RFX2: variants seen among roughly 807,000 people sequenced by gnomAD.
RFX2 encodes DNA-binding protein RFX2.
In RFX2, 20 loss-of-function variants were observed where a neutral mutation model predicts 87.8. That is an observed-to-expected ratio of 0.23 (90% CI 0.16 to 0.33). The LOEUF (loss-of-function observed/expected upper bound fraction) is 0.33, where lower values mean the gene tolerates loss of function less well. Among genes scored for constraint, RFX2 ranks in the 10% least tolerant of loss-of-function variants. The pLI is 1.00. For missense variants in RFX2, 767 were observed against 1,012.3 expected, an observed-to-expected ratio of 0.76 and a Z score of 3.29; for synonymous variants, 397 against 431.3, an observed-to-expected ratio of 0.92 and a Z score of 0.98.
rs1343367811 is a variant in RFX2, at chr19:6,056,100, A to G, written c.-8-8596T>C. Among the ~76,000 whole-genome samples, 3 of 152,326 alleles carry G rather than the reference A, an allele frequency of 2.0e-5. No homozygotes were observed. Among genetic ancestry groups the G allele is most frequent in the Non-Finnish European group, 2.9e-5 (2 of 68,040 alleles). On this transcript the variant is annotated intron_variant, in intron 1 of 17. Coordinates refer to ENST00000303657, the MANE Select transcript of RFX2 (RefSeq NM_000635.4). This position sits in a 1 kb window ranked among gnomAD's most constrained non-coding sequence, Gnocchi z 4.6. ...CAGTGAGATGGACGCATTCTGTATG[A>G]TAATACAGTGTGCGGTTACATGGAG...
In RFX2 at chr19:6,007,852, T is replaced by C. The variant is rs1006745905; in HGVS notation, c.1135-50A>G. ...CAGACGGGTGCGTGCGCCCATCACG[T>C]GCACTCAGCACACGTCAAGTGAGCA... On this transcript the variant is annotated intron_variant, in intron 10 of 17. Transcript: ENST00000303657. The surrounding 1 kb of genome is among the most constrained non-coding windows in gnomAD (Gnocchi z 8.2). The C allele has an allele frequency of 7.1e-6, 9 of 1,267,900 alleles. No individual in the cohort carries two copies. The highest frequency in any genetic ancestry group is 1.0e-5 in the Non-Finnish European group (9 of 888,532). 78.5% of individuals were successfully genotyped at this position (1,267,900 alleles called of 1,614,324 possible). A position where few individuals can be genotyped will look rare whatever the true frequency, so the allele number is the denominator to read the frequency against.
intron 6 of RFX2, among the ~76,000 whole-genome samples, chr19:6,025,376 G>C (rs189056547): frequency 6.6e-6 from 1 of 152,166 alleles, no homozygotes. Flanking sequence ...GCTAAAATCT[G>C]TATGAATTAG....
At chr19:6,092,014 G>C (rs1199548863) in intron 1 of RFX2, among the ~76,000 whole-genome samples, 1 of 152,190 alleles carries the variant, frequency 6.6e-6, no homozygotes. Context: ...TCTACATCCG[G>C]GAGTGGGGGG....
At position 6,013,996 on chromosome 19, in the gene RFX2, G is replaced by A. The variant is rs1476745749; in HGVS notation, c.780-891C>T. Among the ~76,000 whole-genome samples the A allele has an allele frequency of 1.3e-5, 2 of 152,062 alleles. No homozygotes were observed. The highest frequency in any genetic ancestry group is 2.9e-5 in the Non-Finnish European group (2 of 68,026). On this transcript the variant is annotated intron_variant, in intron 7 of 17. Transcript: ENST00000303657. This position sits in a 1 kb window ranked among gnomAD's most constrained non-coding sequence, Gnocchi z 4.1. ...ACCCCCTTCAATCATCTAGTAACAC[G>A]TTTTGGAATAAGGCACTGTTTGGGA...
Position 6,044,075 on chromosome 19 carries a change from T to C in RFX2, c.180+118A>G. The C allele has an allele frequency of 1.9e-6, 1 of 516,116 alleles. No homozygotes were observed. The highest frequency in any genetic ancestry group is 3.1e-6 in the Non-Finnish European group (1 of 322,950). The allele number at this position is 516,116 out of a possible 1,614,324, so 32.0% of individuals were successfully genotyped here. Reference sequence around the variant, plus strand: ...TGGAAAAGTCTTTTGGCTAAGAAACTGAAGCTTACAACAAGGAACAGCAGC... The same window carrying C: ...TGGAAAAGTCTTTTGGCTAAGAAACCGAAGCTTACAACAAGGAACAGCAGC... On this transcript the variant is annotated intron_variant, in intron 3 of 17. Transcript: ENST00000303657. The surrounding 1 kb of genome is among the most constrained non-coding windows in gnomAD (Gnocchi z 5.3).
rs79342694 is a variant in RFX2, at chr19:6,007,996, G to C, written c.1134+110C>G. On this transcript the variant is annotated intron_variant, in intron 10 of 17. Transcript: ENST00000303657. This position sits in a 1 kb window ranked among gnomAD's most constrained non-coding sequence, Gnocchi z 8.2. ...GCTGCTTCAGAGAGGATGCTTGTTG[G>C]GGGGCTCGGGGCTCCAGCTCCTCAG... 1.2e-3 allele frequency: 1,014 copies of C among 867,344 alleles called. 9 individuals are homozygous for C. In the African/African-American group the frequency reaches 0.015, roughly 13 times the overall value. 53.7% of individuals were successfully genotyped at this position (867,344 alleles called of 1,614,324 possible).
intron 1 of RFX2, among the ~76,000 whole-genome samples, chr19:6,058,980 C>T (rs1449438708): frequency 2.6e-5 from 4 of 151,948 alleles, no homozygotes; most frequent in Non-Finnish European, 4.4e-5. Context: ...CCTTTAGAAA[C>T]CTGACTTTTT....
Position 6,016,885 on chromosome 19 carries a change from A to G in RFX2, c.598-614T>C, listed in dbSNP as rs1286034273. On this transcript the variant is annotated intron_variant, in intron 6 of 17. Coordinates refer to ENST00000303657, the MANE Select transcript of RFX2 (RefSeq NM_000635.4). The surrounding 1 kb of genome is among the most constrained non-coding windows in gnomAD (Gnocchi z 5.4). ...CTTAAATGAAATACCCACACACCACACAGGCTTTAACACCAAATCGCTCCC... is the reference window on the plus strand; with the variant it reads ...CTTAAATGAAATACCCACACACCACGCAGGCTTTAACACCAAATCGCTCCC... 6.6e-6 allele frequency among the ~76,000 whole-genome samples: 1 copy of G among 152,172 alleles called. No homozygotes were observed. The highest frequency in any genetic ancestry group is 2.4e-5 in the African/African-American group (1 of 41,442).
Position 6,039,553 on chromosome 19 carries a change from C to T in RFX2, c.522+427G>A, listed in dbSNP as rs562124271. On this transcript the variant is annotated intron_variant, in intron 5 of 17. Coordinates refer to ENST00000303657, the MANE Select transcript of RFX2 (RefSeq NM_000635.4). The surrounding 1 kb of genome is among the most constrained non-coding windows in gnomAD (Gnocchi z 5.2). The stretch of plus-strand genomic sequence containing the variant: ...GTTATTTTGCATCGGGGCATGGCAG[C>T]GAGAACTCGGCAGAGGCTGCAGGGA... Among the ~76,000 whole-genome samples, 19 of 152,340 alleles carry T rather than the reference C, an allele frequency of 1.2e-4. 1 individual carries two copies. Among genetic ancestry groups the T allele is most frequent in the South Asian group, 8.3e-4 (4 of 4,830 alleles).
Position 6,067,646 on chromosome 19 carries a change from G to C in RFX2, c.-8-20142C>G, listed in dbSNP as rs76182904. Among the ~76,000 whole-genome samples, 694 of 152,320 alleles carry C rather than the reference G, an allele frequency of 4.6e-3. 7 individuals carry two copies. In the East Asian group the frequency reaches 0.071, roughly 16 times the overall value. On this transcript the variant is annotated intron_variant, in intron 1 of 17. Coordinates refer to ENST00000303657, the MANE Select transcript of RFX2 (RefSeq NM_000635.4). ...TTCAGGCTGAGCATGGCTTCTCTGA[G>C]GCTTTGGGACCAGGAGAGGGTGAAG...
At chr19:6,052,966 T>A (rs1041487751) in intron 1 of RFX2, among the ~76,000 whole-genome samples, 1 of 152,298 alleles carries the variant, frequency 6.6e-6, no homozygotes, top group Admixed American at 6.5e-5. Context: ...TAGAAAGAGA[T>A]GTTTAGCTTT....
intron 1 of RFX2, among the ~76,000 whole-genome samples, chr19:6,103,319 A>G (rs2088157918): frequency 2.0e-5 from 3 of 152,208 alleles, no homozygotes; most frequent in African/African-American, 7.2e-5. Context: ...AAAAATAAGA[A>G]TAAGGAATTG....
rs770178667 is a variant in RFX2, at chr19:5,997,775, G to C, written c.1860-562C>G. Among the ~76,000 whole-genome samples the C allele has an allele frequency of 1.3e-5, 2 of 152,160 alleles. No homozygotes were observed. The highest frequency in any genetic ancestry group is 2.9e-5 in the Non-Finnish European group (2 of 68,034). On this transcript the variant is annotated intron_variant, in intron 15 of 17. Coordinates refer to ENST00000303657, the MANE Select transcript of RFX2 (RefSeq NM_000635.4). This position sits in a 1 kb window ranked among gnomAD's most constrained non-coding sequence, Gnocchi z 4.2. ...AGAGACTTCAGCCCAGATCCAGTCC[G>C]CGTCCAGCCCTCAGCCTGTGTGCTG... is the stretch of plus-strand genomic sequence containing the variant.
Position 6,012,675 on chromosome 19 carries a change from T to C in RFX2, c.899+311A>G, listed in dbSNP as rs1599850776. On this transcript the variant is annotated intron_variant, in intron 8 of 17. Coordinates refer to ENST00000303657, the MANE Select transcript of RFX2 (RefSeq NM_000635.4). The surrounding 1 kb of genome is among the most constrained non-coding windows in gnomAD (Gnocchi z 4.6). ...AGGCGGTGGGGAGCGGGGCTGGGGG[T>C]GTAGAACAACTCTCTGTACTTTCTA... 6.6e-6 allele frequency among the ~76,000 whole-genome samples: 1 copy of C among 151,366 alleles called. No homozygotes were observed. Among genetic ancestry groups the C allele is most frequent in the Non-Finnish European group, 1.5e-5 (1 of 67,782 alleles).
intron 1 of RFX2, among the ~76,000 whole-genome samples, chr19:6,052,888 A>T (rs1296245281): frequency 6.6e-6 from 1 of 152,206 alleles, no homozygotes; most frequent in Non-Finnish European, 1.5e-5. Flanking sequence ...CACTGGTACA[A>T]ATATTGTGGG....
In RFX2 at chr19:6,047,866, AGC is replaced by A. The variant is rs1330432422; in HGVS notation, c.-8-364_-8-363del. ...TTTCCTCATTTACCCAGAAATCAAA[AGC>A]TCTGGGTGGGTGACTGCCATTTGGG... On this transcript the variant is annotated intron_variant, in intron 1 of 17. Transcript: ENST00000303657. This position sits in a 1 kb window ranked among gnomAD's most constrained non-coding sequence, Gnocchi z 4.2. Among the ~76,000 whole-genome samples, 1 of 152,236 alleles carries A rather than the reference AGC, an allele frequency of 6.6e-6. No individual in the cohort carries two copies. Among genetic ancestry groups the A allele is most frequent in the African/African-American group, 2.4e-5 (1 of 41,464 alleles).
chr19:6,099,291 T>TTA (rs957152544), intron 1 of RFX2, among the ~76,000 whole-genome samples: 1 of 152,140 alleles, frequency 6.6e-6, no homozygotes, highest in Non-Finnish European at 1.5e-5. Flanking sequence ...AGCAGCTCTG[T>TTA]TATAAAACCC....
rs771736132 is a variant in RFX2 at position 6,004,153 on chromosome 19, GC to G, written c.1500+47del. The G allele has an allele frequency of 6.5e-6, 9 of 1,394,602 alleles. No homozygotes were observed. The highest frequency in any genetic ancestry group is 2.3e-5 in the East Asian group (1 of 43,838). The allele number at this position is 1,394,602 out of a possible 1,614,324, so 86.4% of individuals were successfully genotyped here. A position where few individuals can be genotyped will look rare whatever the true frequency, so the allele number is the denominator to read the frequency against. ...GGTCCTCATGCTGTCCTGGACTGGA[GC>G]CCCTCCCAGCCATCGTTGGGGAGCC... On this transcript the variant is annotated intron_variant, in intron 13 of 17. Transcript: ENST00000303657. This position sits in a 1 kb window ranked among gnomAD's most constrained non-coding sequence, Gnocchi z 4.8.
Position 6,107,131 on chromosome 19 carries a change from T to TA in RFX2, c.-9+3261dup, listed in dbSNP as rs573881026. 2.9e-3 allele frequency among the ~76,000 whole-genome samples: 437 copies of TA among 151,170 alleles called. 2 individuals carry two copies. Among genetic ancestry groups the TA allele is most frequent in the African/African-American group, 9.9e-3 (407 of 41,208 alleles). On this transcript the variant is annotated intron_variant, in intron 1 of 17. Coordinates refer to ENST00000303657, the MANE Select transcript of RFX2 (RefSeq NM_000635.4). ...TAACACAGTGAAACCCCGTCTCTAC[T>TA]AAAAAATACGAAAAATTAGCCGGGC...
Sources: gnomAD v4.1 joint callset for allele counts (sites outside exome capture counted in the v4.1 genomes callset) on GRCh38, gnomAD v4.1.1 for gene constraint, Gnocchi (gnomAD v3.1) non-coding constraint, MANE v1.5 for transcripts, NCBI Gene and HGNC (gene_info 2026-07-23, HGNC 2026-07-21) for gene names.